The following HVCN1 variants were observed in gnomAD, a reference collection of about 807,000 sequenced individuals.
HVCN1 encodes the protein hydrogen voltage gated channel 1, also known as voltage-gated hydrogen channel 1.
Under a neutral mutation model 29.2 loss-of-function variants are expected in HVCN1, and 14 were observed. The ratio of observed to expected loss-of-function variants is 0.48; its 90% CI spans 0.32 to 0.75. The LOEUF (loss-of-function observed/expected upper bound fraction) is 0.75, where lower values mean the gene tolerates loss of function less well. HVCN1 is among the 30% of genes least tolerant of loss of function. The pLI is 0.04. For synonymous variants in HVCN1, 131 were observed against 133.2 expected, an observed-to-expected ratio of 0.98 and a Z score of 0.11; for missense variants, 263 against 341.8, an observed-to-expected ratio of 0.77 and a Z score of 1.82.
upstream of HVCN1, among the ~76,000 whole-genome samples, chr12:110,690,606 T>C (rs571035546): frequency 3.0e-4 from 45 of 150,896 alleles, no homozygotes; most frequent in African/African-American, 1.1e-3. Context: ...GCCTCCCGAG[T>C]AGCTATGATT....
At chr12:110,654,424 A>AT (rs1260747421) in intron 5 of HVCN1, among the ~76,000 whole-genome samples, 1 of 137,442 alleles carries the variant, frequency 7.3e-6, no homozygotes, top group Non-Finnish European at 1.6e-5. Flanking sequence ...TATCAATTCC[A>AT]TTTTGTTTTT....
intron 2 of HVCN1, among the ~76,000 whole-genome samples, chr12:110,687,748 G>A (rs1031343511): frequency 1.3e-5 from 2 of 152,118 alleles, no homozygotes; most frequent in Non-Finnish European, 2.9e-5. Flanking sequence ...GGAGCGGGGT[G>A]GTGGATGACA....
intron 3 of HVCN1, among the ~76,000 whole-genome samples, chr12:110,672,794 G>T (rs1361725808): frequency 6.6e-6 from 1 of 152,162 alleles, no homozygotes. Flanking sequence ...TTTATCAGGG[G>T]TTTCTGCTTT....
At chr12:110,696,042 T>C (rs1593553160) in intron 2 of HVCN1, among the ~76,000 whole-genome samples, 1 of 150,238 alleles carries the variant, frequency 6.7e-6, no homozygotes, top group Non-Finnish European at 1.5e-5. Flanking sequence ...AACCTCTGCC[T>C]CCCAGGTTCA....
upstream of HVCN1, chr12:110,689,225 C>T (rs971575606): frequency 2.6e-5 from 4 of 152,030 alleles, no homozygotes; most frequent in Admixed American, 2.6e-4. This position sits in a 1 kb window ranked among gnomAD's most constrained non-coding sequence, Gnocchi z 5.7. Flanking sequence ...GCCCGCAGAC[C>T]CCCAACGGTC....
At chr12:110,656,730 G>C (rs1293782925) in intron 4 of HVCN1, among the ~76,000 whole-genome samples, 1 of 152,214 alleles carries the variant, frequency 6.6e-6, no homozygotes, top group African/African-American at 2.4e-5. Context: ...TTAATCCTTT[G>C]ATCCTTTCAA....
At chr12:110,664,809 G>T (rs2068288834) in intron 3 of HVCN1, among the ~76,000 whole-genome samples, 1 of 152,176 alleles carries the variant, frequency 6.6e-6, no homozygotes, top group Non-Finnish European at 1.5e-5. Context: ...AACATCGTGT[G>T]TGTGGAACAA....
intron 5 of HVCN1, 103 bp downstream of exon 5, chr12:110,655,131 C>A (rs531426548): frequency 9.0e-6 from 7 of 775,982 alleles, no homozygotes; most frequent in South Asian, 7.5e-5. Flanking sequence ...ACAGACCTTG[C>A]TACTCCAAGT....
chr12:110,669,160 C>A (rs751624894), intron 3 of HVCN1, among the ~76,000 whole-genome samples: 1 of 152,290 alleles, frequency 6.6e-6, no homozygotes, highest in South Asian at 2.1e-4. Context: ...CCTTCCACAT[C>A]CCCTAGGGCA....
At chr12:110,677,366 C>A (rs1189250382) in intron 3 of HVCN1, among the ~76,000 whole-genome samples, 1 of 152,204 alleles carries the variant, frequency 6.6e-6, no homozygotes, top group Non-Finnish European at 1.5e-5. Context: ...AACCACAGGA[C>A]CTTTGCACAC....
chr12:110,670,849 A>T (rs1256115278), intron 3 of HVCN1, among the ~76,000 whole-genome samples: 3 of 152,198 alleles, frequency 2.0e-5, no homozygotes, highest in Non-Finnish European at 4.4e-5. Context: ...AGATGAAATC[A>T]TACTGGATTT....
chr12:110,653,369 A>G (rs2067877251), intron 5 of HVCN1, among the ~76,000 whole-genome samples: 1 of 151,972 alleles, frequency 6.6e-6, no homozygotes, highest in Admixed American at 6.6e-5. Context: ...CTGAGGCGGG[A>G]GGAAGGCTTG....
chr12:110,654,697 C>G (rs2067930275), intron 5 of HVCN1, among the ~76,000 whole-genome samples: 1 of 152,084 alleles, frequency 6.6e-6, no homozygotes, highest in Non-Finnish European at 1.5e-5. Context: ...CCAGGCTGGT[C>G]TCGAACTCCT....
chr12:110,680,166 C>G (rs1396838435), intron 3 of HVCN1, among the ~76,000 whole-genome samples: 1 of 152,190 alleles, frequency 6.6e-6, no homozygotes, highest in African/African-American at 2.4e-5. Context: ...TTATTTGCCA[C>G]AAGCGGTCCT....
intron 3 of HVCN1, among the ~76,000 whole-genome samples, chr12:110,669,012 C>T (rs536805387): frequency 6.5e-4 from 99 of 151,834 alleles, no homozygotes; most frequent in African/African-American, 2.3e-3. Flanking sequence ...TCTTTGGGGG[C>T]CTTAGCACAG....
chr12:110,685,965 A>T (rs1275387193), intron 2 of HVCN1, among the ~76,000 whole-genome samples: 1 of 151,746 alleles, frequency 6.6e-6, no homozygotes, highest in Non-Finnish European at 1.5e-5. Context: ...AATAGGCATG[A>T]GCCATTGCAC....
In HVCN1 at chr12:110,649,196, T is replaced by G. The variant is rs2067660967; in HGVS notation, c.*214A>C. On this transcript the variant is annotated 3_prime_UTR_variant, in exon 8 of 8. Coordinates refer to ENST00000242607, the MANE Select transcript of HVCN1 (RefSeq NM_032369.4). Reference sequence around the variant, plus strand: ...GTTCAACATGAGAAAATGTGATACATTTGATACAGTGTGGGGTGGGAGTGG... The same window carrying G: ...GTTCAACATGAGAAAATGTGATACAGTTGATACAGTGTGGGGTGGGAGTGG... The G allele has an allele frequency of 8.8e-6, 6 of 684,376 alleles. No individual in the cohort carries two copies. The highest frequency in any genetic ancestry group is 1.6e-5 in the Non-Finnish European group (6 of 377,398). 42.4% of individuals were successfully genotyped at this position (684,376 alleles called of 1,614,324 possible). A position where few individuals can be genotyped will look rare whatever the true frequency, so the allele number is the denominator to read the frequency against.
At position 110,655,307 on chromosome 12, in the gene HVCN1, G is replaced by C. The variant is rs760665421; in HGVS notation, c.338C>G (p.Ala113Gly). ...VIIICLVVLDALLVLAELILD... is the reference protein window; with the variant it reads ...VIIICLVVLDGLLVLAELILD... ...GATGAGCTCAGCAAGCACCAGGAGG[G>C]CATCCAGAACCACCAAGCAGATGAT... The change falls in exon 5 of 8, where the codon GCC becomes GGC. Residue 113 changes from alanine (A) to glycine (G), a missense_variant. Ala to Gly is a moderately conservative substitution (Grantham distance 60). Transcript: ENST00000242607. 1.9e-6 allele frequency: 3 copies of C among 1,613,872 alleles called. No individual in the cohort carries two copies. The highest frequency in any genetic ancestry group is 2.5e-6 in the Non-Finnish European group (3 of 1,179,936).
intron 3 of HVCN1, among the ~76,000 whole-genome samples, chr12:110,670,581 G>A (rs905291760): frequency 2.6e-5 from 4 of 152,126 alleles, no homozygotes; most frequent in Non-Finnish European, 4.4e-5. Flanking sequence ...GTCCTGGTGA[G>A]GGGGGGCCTT....
Sources: allele counts gnomAD v4.1 joint callset (sites outside exome capture counted in the v4.1 genomes callset), GRCh38; gene constraint gnomAD v4.1.1; non-coding constraint Gnocchi (gnomAD v3.1); transcripts MANE v1.5; gene names NCBI Gene and HGNC (gene_info 2026-07-23, HGNC 2026-07-21).